The following PTPN11 variants were observed in gnomAD, a reference collection of about 807,000 sequenced individuals.
PTPN11 encodes the protein tyrosine-protein phosphatase non-receptor type 11.
Under a neutral mutation model 78.8 loss-of-function variants are expected in PTPN11, and 6 were observed. The ratio of observed to expected loss-of-function variants is 0.08; its 90% CI spans 0.04 to 0.15. PTPN11 has a LOEUF of 0.15. PTPN11 is among the 10% of genes least tolerant of loss of function. PTPN11 has a pLI of 1.00. For missense variants in PTPN11, 386 were observed against 744.8 expected (o/e 0.52, Z 5.61); for synonymous variants, 221 against 263.5 (o/e 0.84, Z 1.56).
At chr12:112,429,495 T>G (rs2037676461) in intron 1 of PTPN11, among the ~76,000 whole-genome samples, 1 of 148,920 alleles carries the variant, frequency 6.7e-6, no homozygotes, top group Non-Finnish European at 1.5e-5. Flanking sequence ...TTTTTTTTTT[T>G]TTTTTTTTTT....
intron 1 of PTPN11, among the ~76,000 whole-genome samples, chr12:112,437,924 A>G (rs975305848): frequency 2.6e-5 from 4 of 152,004 alleles, no homozygotes; most frequent in African/African-American, 4.8e-5. Context: ...CTAATGGGTT[A>G]ATTTTTGTAG....
At chr12:112,469,507 T>A (rs1398017420) in intron 6 of PTPN11, among the ~76,000 whole-genome samples, 1 of 152,112 alleles carries the variant, frequency 6.6e-6, no homozygotes. Flanking sequence ...GTAAGGGCAA[T>A]TTCTTTTTTC....
rs1301075364 is a variant in PTPN11 at position 112,482,282 on chromosome 12, A to G, written c.1224+77A>G. 5.3e-6 allele frequency: 8 copies of G among 1,511,140 alleles called. No individual in the cohort carries two copies. Among genetic ancestry groups the G allele is most frequent in the Admixed American group, 5.1e-5 (3 of 59,380 alleles). 93.6% of individuals were successfully genotyped at this position (1,511,140 alleles called of 1,614,324 possible). ...GGAATTCAGGGTCTTGCCGTTACTC[A>G]TGTTTGCATACATGCATGCATTCGC... On this transcript the variant is annotated intron_variant, in intron 10 of 15. Transcript: ENST00000351677. This position sits in a 1 kb window ranked among gnomAD's most constrained non-coding sequence, Gnocchi z 4.4.
chr12:112,425,504 G>A (rs991632717), intron 1 of PTPN11, among the ~76,000 whole-genome samples: 2 of 152,016 alleles, frequency 1.3e-5, no homozygotes, highest in African/African-American at 2.4e-5. Flanking sequence ...GGAGTAGCAG[G>A]TAAGAAAGAT....
intron 1 of PTPN11, among the ~76,000 whole-genome samples, chr12:112,429,368 A>C (rs191383880): frequency 6.6e-6 from 1 of 152,254 alleles, no homozygotes; most frequent in East Asian, 1.9e-4. Context: ...ATGAAATAAT[A>C]CAGTTTATGT....
chr12:112,451,158 A>G (rs1314885873), intron 3 of PTPN11, among the ~76,000 whole-genome samples: 1 of 152,090 alleles, frequency 6.6e-6, no homozygotes, highest in Non-Finnish European at 1.5e-5. Flanking sequence ...CAAATTCAGG[A>G]TCTCTTAGTT....
intron 9 of PTPN11, among the ~76,000 whole-genome samples, chr12:112,479,778 A>T (rs1332671325): frequency 6.6e-6 from 1 of 152,180 alleles, no homozygotes; most frequent in Non-Finnish European, 1.5e-5. Flanking sequence ...AGGAATCAGT[A>T]TCAGTCCCTT....
intron 11 of PTPN11, among the ~76,000 whole-genome samples, chr12:112,487,815 A>C (rs958615679): frequency 6.6e-6 from 1 of 151,700 alleles, no homozygotes; most frequent in Admixed American, 6.6e-5. Flanking sequence ...ACAGAGTCTC[A>C]CTCTGTCACC....
intron 7 of PTPN11, among the ~76,000 whole-genome samples, chr12:112,474,217 G>A (rs2038462287): frequency 6.6e-6 from 1 of 152,134 alleles, no homozygotes; most frequent in South Asian, 2.1e-4. Context: ...GGGCGTGGTG[G>A]TGGATGCCTG....
At chr12:112,446,200 C>G (rs972658053) in intron 1 of PTPN11, 76 bp from the exon 2 acceptor site, 5 of 1,579,634 alleles carry the variant, frequency 3.2e-6, no homozygotes, top group East Asian at 2.2e-5. Context: ...CATAATGCGT[C>G]TTAGCTGTGT....
At chr12:112,421,160 G>A (rs776008048) in intron 1 of PTPN11, among the ~76,000 whole-genome samples, 3 of 152,058 alleles carry the variant, frequency 2.0e-5, no homozygotes, top group African/African-American at 4.8e-5. Flanking sequence ...CCAAAAAGCC[G>A]GGTTATGAAC....
chr12:112,477,622 T>TA, intron 7 of PTPN11, 29 bp from the exon 8 acceptor site: 1 of 1,563,186 alleles, frequency 6.4e-7, no homozygotes, highest in Non-Finnish European at 8.8e-7. Context: ...GTCCAGGACT[T>TA]ATGTGACCGT....
At chr12:112,448,386 T>C (rs2038026269) in intron 2 of PTPN11, among the ~76,000 whole-genome samples, 1 of 151,924 alleles carries the variant, frequency 6.6e-6, no homozygotes, top group Admixed American at 6.6e-5. Context: ...CCAGCTAATT[T>C]GTGTATTTTT....
intron 1 of PTPN11, among the ~76,000 whole-genome samples, chr12:112,437,274 C>T (rs1486685789): frequency 1.3e-5 from 2 of 152,024 alleles, no homozygotes; most frequent in Admixed American, 6.6e-5. Context: ...TCTGCTGCCT[C>T]GGCCTCCCAA....
intron 3 of PTPN11, among the ~76,000 whole-genome samples, chr12:112,452,932 A>T (rs1231688716): frequency 6.6e-6 from 1 of 152,206 alleles, no homozygotes; most frequent in African/African-American, 2.4e-5. Context: ...TTTAAAAAAA[A>T]ACAGGAAAGA....
chr12:112,471,748 C>T (rs2038421612), intron 6 of PTPN11, among the ~76,000 whole-genome samples: 1 of 149,986 alleles, frequency 6.7e-6, no homozygotes. Flanking sequence ...CTATTTGGTT[C>T]TTCTCCCACT....
intron 12 of PTPN11, 85 bp downstream of exon 12, chr12:112,488,595 G>T: frequency 1.5e-6 from 2 of 1,357,916 alleles, no homozygotes; most frequent in South Asian, 2.3e-5. Flanking sequence ...CTGGGGAAGA[G>T]AGGTTGAATG....
Position 112,446,316 on chromosome 12 carries a change from C to G in PTPN11, c.55C>G (p.Leu19Val), listed in dbSNP as rs2037993841. The G allele has an allele frequency of 6.2e-7, 1 of 1,613,960 alleles. No individual in the cohort carries two copies. Among genetic ancestry groups the G allele is most frequent in the South Asian group, 1.1e-5 (1 of 91,078 alleles). Reference sequence around the variant, plus strand: ...TATCACTGGTGTGGAGGCAGAAAACCTACTGTTGACAAGAGGAGTTGATGG... The same window carrying G: ...TATCACTGGTGTGGAGGCAGAAAACGTACTGTTGACAAGAGGAGTTGATGG... Reference protein sequence around the residue: ...PNITGVEAENLLLTRGVDGSF... With the variant: ...PNITGVEAENVLLTRGVDGSF... Residue 19 changes from leucine to valine, a missense_variant, in exon 2 of 16, where the codon CTA becomes GTA. Around this residue, in one of 3 missense-constraint regions of PTPN11, gnomAD observed 279 missense variants for 503.3 expected, o/e 0.55. Coordinates refer to ENST00000351677, the MANE Select transcript of PTPN11 (RefSeq NM_002834.5).
At chr12:112,455,784 C>T (rs769643666) in intron 5 of PTPN11, among the ~76,000 whole-genome samples, 166 bp from the exon 6 acceptor site, 9 of 151,454 alleles carry the variant, frequency 5.9e-5, no homozygotes, top group African/African-American at 1.5e-4. Context: ...ACAGAAAACA[C>T]GGTGAAACGA....
Sources: gnomAD v4.1 joint callset for allele counts (sites outside exome capture counted in the v4.1 genomes callset) on GRCh38, gnomAD v4.1.1 for gene constraint, gnomAD v4.1.1 regional missense constraint, Gnocchi (gnomAD v3.1) non-coding constraint, MANE v1.5 for transcripts, NCBI Gene and HGNC (gene_info 2026-07-23, HGNC 2026-07-21) for gene names.